Variants in TRPM8 observed in about 807,000 individuals in gnomAD.
The protein encoded by TRPM8 is TRPM8 cationic channel.
A neutral mutation model predicts 133.7 loss-of-function variants in TRPM8; 110 were observed. That is an observed-to-expected ratio of 0.82 (90% CI 0.70 to 0.96). TRPM8 has a LOEUF of 0.96. Among genes scored for constraint, TRPM8 ranks in the 40% least tolerant of loss-of-function variants. TRPM8 has a pLI of 0.00. For missense variants in TRPM8, 1,291 were observed against 1,379.5 expected (o/e 0.94, Z 1.02); for synonymous variants, 535 against 532.3 (o/e 1.01, Z -0.07).
chr2:233,985,990 A>C, intron 21 of TRPM8, 125 bp downstream of exon 21: 1 of 900,770 alleles, frequency 1.1e-6, no homozygotes, highest in Non-Finnish European at 1.7e-6. Flanking sequence ...CTTTTGGGGG[A>C]TTGGTGGACT....
At chr2:233,968,997 C>T (rs1691642286) in intron 15 of TRPM8, among the ~76,000 whole-genome samples, 1 of 151,950 alleles carries the variant, frequency 6.6e-6, no homozygotes, top group East Asian at 1.9e-4. Flanking sequence ...CGTTGGGGAC[C>T]CTACAGGTAG....
chr2:233,969,671 T>C (rs780115241), intron 15 of TRPM8, 24 bp from the exon 16 acceptor site: 2 of 1,449,608 alleles, frequency 1.4e-6, no homozygotes, highest in South Asian at 2.3e-5. Flanking sequence ...AAGGACCTTG[T>C]TCTCTGTCTT....
intron 18 of TRPM8, 76 bp from the exon 19 acceptor site, chr2:233,981,698 T>C: frequency 6.9e-7 from 1 of 1,452,126 alleles, no homozygotes; most frequent in East Asian, 2.4e-5. Flanking sequence ...TTCTTGAAAT[T>C]GGGTTATTTT....
chr2:233,957,675 A>G (rs577684684), intron 11 of TRPM8, among the ~76,000 whole-genome samples: 1 of 152,200 alleles, frequency 6.6e-6, no homozygotes, highest in Non-Finnish European at 1.5e-5. Flanking sequence ...TCTGAAGGCC[A>G]ATTGTGTATA....
At chr2:233,949,089 C>T (rs1691112571) in intron 8 of TRPM8, among the ~76,000 whole-genome samples, 2 of 152,134 alleles carry the variant, frequency 1.3e-5, no homozygotes, top group Admixed American at 6.6e-5. Context: ...CTCTGCATCC[C>T]TTCCTGGTTT....
intron 2 of TRPM8, among the ~76,000 whole-genome samples, chr2:233,927,171 A>T (rs763904619): frequency 6.6e-6 from 1 of 152,192 alleles, no homozygotes; most frequent in Non-Finnish European, 1.5e-5. Flanking sequence ...TTAAGACAAC[A>T]TTCCAGCCTG....
At chr2:233,947,452 C>T in intron 8 of TRPM8, 1 of 1,394,296 alleles carries the variant, frequency 7.2e-7, no homozygotes, top group East Asian at 3.8e-5. Context: ...TTGTAACCGG[C>T]ATATATATTA....
chr2:233,960,051 G>A (rs1238252853), intron 11 of TRPM8, among the ~76,000 whole-genome samples: 1 of 151,826 alleles, frequency 6.6e-6, no homozygotes, highest in Non-Finnish European at 1.5e-5. Context: ...CCAAAATGCT[G>A]GTGATCTTTC....
At chr2:233,922,705 T>C (rs1222406003) in intron 1 of TRPM8, among the ~76,000 whole-genome samples, 1 of 152,148 alleles carries the variant, frequency 6.6e-6, no homozygotes, top group Non-Finnish European at 1.5e-5. Context: ...CTGAATTGAC[T>C]CAGGATACAA....
At chr2:234,009,886 T>C (rs892290582) in intron 24 of TRPM8, among the ~76,000 whole-genome samples, 1 of 152,234 alleles carries the variant, frequency 6.6e-6, no homozygotes, top group Non-Finnish European at 1.5e-5. Flanking sequence ...CTTTGATGCA[T>C]GTATACATTG....
chr2:233,944,934 G>T (rs995492872), intron 6 of TRPM8, among the ~76,000 whole-genome samples: 2 of 152,088 alleles, frequency 1.3e-5, no homozygotes, highest in African/African-American at 4.8e-5. Context: ...CGAGAAAAGT[G>T]AGGCATACAG....
chr2:233,938,945 C>T (rs1189881037), intron 4 of TRPM8, 53 bp from the exon 5 acceptor site: 2 of 1,580,900 alleles, frequency 1.3e-6, no homozygotes, highest in Non-Finnish European at 1.7e-6. Context: ...TGCTAAACCC[C>T]GACCTCAGGA....
chr2:233,958,948 C>T (rs554823351), intron 11 of TRPM8, among the ~76,000 whole-genome samples: 23 of 144,612 alleles, frequency 1.6e-4, no homozygotes, highest in Admixed American at 1.1e-3. Flanking sequence ...GCCAAGGCTC[C>T]GGGAAGCAGC....
At chr2:233,947,216 T>A in intron 8 of TRPM8, 61 bp downstream of exon 8, 1 of 1,603,300 alleles carries the variant, frequency 6.2e-7, no homozygotes, top group Non-Finnish European at 8.5e-7. Context: ...AAATTTGTAT[T>A]TTCAAGGATT....
chr2:233,964,620 C>T lies in TRPM8; in HGVS notation c.1750-8C>T, dbSNP rs199707448. 2.2e-5 allele frequency: 34 copies of T among 1,540,646 alleles called. No individual in the cohort carries two copies. The highest frequency in any genetic ancestry group is 2.8e-5 in the Non-Finnish European group (32 of 1,143,368). On this transcript the variant is annotated splice_region_variant and splice_polypyrimidine_tract_variant and intron_variant, in intron 13 of 25. Transcript: ENST00000324695. ...ATTAACCTTAAAATTCTTCACCCCC[C>T]TAAAAAGACCAGGGGCTGCACTCTG...
intron 22 of TRPM8, among the ~76,000 whole-genome samples, chr2:233,998,887 G>A (rs1230153584): frequency 6.6e-6 from 1 of 152,180 alleles, no homozygotes; most frequent in African/African-American, 2.4e-5. Context: ...GAACCTCCTT[G>A]GTTTCAGGGA....
chr2:233,955,902 C>T (rs1460758629), intron 11 of TRPM8, among the ~76,000 whole-genome samples: 1 of 152,090 alleles, frequency 6.6e-6, no homozygotes, highest in Non-Finnish European at 1.5e-5. Flanking sequence ...TGGCGGTATT[C>T]GATTCCTATA....
intron 4 of TRPM8, among the ~76,000 whole-genome samples, chr2:233,938,623 A>G (rs987730507): frequency 1.3e-5 from 2 of 152,178 alleles, no homozygotes; most frequent in African/African-American, 4.8e-5. Flanking sequence ...CTTCCAGGTC[A>G]TAAGTAGATA....
chr2:233,950,314 C>T (rs371681500), intron 9 of TRPM8, among the ~76,000 whole-genome samples, 168 bp downstream of exon 9: 8 of 152,222 alleles, frequency 5.3e-5, no homozygotes, highest in South Asian at 4.2e-4. Flanking sequence ...CAGTAAGATA[C>T]GTGACTCACC....
Sources: gnomAD v4.1 joint callset for allele counts (sites outside exome capture counted in the v4.1 genomes callset) on GRCh38, gnomAD v4.1.1 for gene constraint, MANE v1.5 for transcripts, NCBI Gene and HGNC (gene_info 2026-07-23, HGNC 2026-07-21) for gene names.